The following GSPT1 variants were observed in gnomAD, a reference collection of about 807,000 sequenced individuals.
GSPT1 encodes G1 to S phase transition 1, also known as eukaryotic peptide chain release factor GTP-binding subunit ERF3A.
A neutral mutation model predicts 72.5 loss-of-function variants in GSPT1; 20 were observed. The observed-to-expected ratio is 0.28, with a 90% CI of 0.19 to 0.40. The LOEUF is 0.40. Ranked by LOEUF, GSPT1 falls within the 10% of genes least tolerant of loss-of-function variation. The probability of loss-of-function intolerance (pLI) is 1.00; values close to 1 mark genes in which losing one functional copy is unlikely to be tolerated. For missense variants in GSPT1, 580 were observed against 811.9 expected, an observed-to-expected ratio of 0.71 and a Z score of 3.47; for synonymous variants, 334 against 293.5, an observed-to-expected ratio of 1.14 and a Z score of -1.41.
Position 11,868,579 on chromosome 16 carries a change from G to A in GSPT1, c.*4540C>T, listed in dbSNP as rs2053944772. The A allele has an allele frequency of 6.6e-6, 1 of 152,110 alleles. No individual in the cohort carries two copies. Among genetic ancestry groups the A allele is most frequent in the African/African-American group, 2.4e-5 (1 of 41,414 alleles). The allele number at this position is 152,110 out of a possible 1,614,324, so 9.4% of individuals were successfully genotyped here. The stretch of plus-strand genomic sequence containing the variant: ...ACCTAATGCATGTGGAGGAAATGGA[G>A]GTGAGAATAGTCACCTGAAGAGTGC... On this transcript the variant is annotated 3_prime_UTR_variant, in exon 15 of 15. Transcript: ENST00000434724.
chr16:11,894,936 CAA>C lies in GSPT1; in HGVS notation c.698+16_698+17del. ...ACATCAATTTAACTCTGTTATTTAA[CAA>C]AAGATACAGACTTACATTATTTGTC... On this transcript the variant is annotated intron_variant, in intron 5 of 14. Coordinates refer to ENST00000434724, the MANE Select transcript of GSPT1 (RefSeq NM_002094.4). 1 of 1,500,316 alleles carries C rather than the reference CAA, an allele frequency of 6.7e-7. No homozygotes were observed. The highest frequency in any genetic ancestry group is 9.2e-7 in the Non-Finnish European group (1 of 1,087,608). The allele number at this position is 1,500,316 out of a possible 1,614,324, so 92.9% of individuals were successfully genotyped here.
At chr16:11,884,795 G>A (rs2054166860) in intron 10 of GSPT1, among the ~76,000 whole-genome samples, 1 of 150,570 alleles carries the variant, frequency 6.6e-6, no homozygotes, top group Non-Finnish European at 1.5e-5. Context: ...GGCCAGGTAC[G>A]GTGGCTCACG....
upstream of GSPT1, among the ~76,000 whole-genome samples, chr16:11,916,296 C>T (rs1242301307): frequency 6.6e-6 from 1 of 152,224 alleles, no homozygotes; most frequent in Non-Finnish European, 1.5e-5. Flanking sequence ...GCGGCAGGCC[C>T]TGGTTGGTGC....
chr16:11,909,189 T>C (rs531963050), intron 1 of GSPT1, among the ~76,000 whole-genome samples: 39 of 151,214 alleles, frequency 2.6e-4, no homozygotes, highest in African/African-American at 9.3e-4. Flanking sequence ...GGGAAAGCCT[T>C]ATTAAGTGTT....
intron 5 of GSPT1, among the ~76,000 whole-genome samples, chr16:11,894,199 A>G (rs541503796): frequency 6.1e-5 from 9 of 146,816 alleles, no homozygotes; most frequent in Admixed American, 4.1e-4. Context: ...AAAAAAATTT[A>G]ACTAGGCAAG....
At chr16:11,895,533 A>T (rs1226914458) in intron 4 of GSPT1, 1 of 152,428 alleles carries the variant, frequency 6.6e-6, no homozygotes, top group East Asian at 1.9e-4. Flanking sequence ...ATTCCCCAAG[A>T]GAAGTTTCCA....
At position 11,912,699 on chromosome 16, in the gene GSPT1, T is replaced by C. The variant is rs60737746; in HGVS notation, c.352+2670A>G. ...AAAAAAACTAGGTGCAAATTGCAAC[T>C]TAAATACATCCTATCAGATAAAATG... is the stretch of plus-strand genomic sequence containing the variant. On this transcript the variant is annotated intron_variant, in intron 1 of 14. Coordinates refer to ENST00000434724, the MANE Select transcript of GSPT1 (RefSeq NM_002094.4). Among the ~76,000 whole-genome samples, 482 of 152,328 alleles carry C rather than the reference T, an allele frequency of 3.2e-3. 5 individuals carry two copies. Among genetic ancestry groups the C allele is most frequent in the African/African-American group, 0.011 (458 of 41,570 alleles).
chr16:11,874,005 C>A (rs1166109024), intron 14 of GSPT1, among the ~76,000 whole-genome samples: 7 of 152,134 alleles, frequency 4.6e-5, no homozygotes, highest in Admixed American at 2.0e-4. Flanking sequence ...CATGGTTGAA[C>A]CTCAAAATCA....
intron 6 of GSPT1, among the ~76,000 whole-genome samples, chr16:11,888,120 A>G (rs1269725568): frequency 6.6e-6 from 1 of 151,970 alleles, no homozygotes; most frequent in Non-Finnish European, 1.5e-5. Context: ...GTGCCATTGC[A>G]CTCCAGCCTG....
In GSPT1 at chr16:11,915,757, G is replaced by A. The variant is rs435108; in HGVS notation, c.-37C>T. 0.93 allele frequency: 1,438,176 copies of A among 1,552,904 alleles called. 667,728 individuals carry two copies. The highest frequency in any genetic ancestry group is 0.94 in the Non-Finnish European group (1,092,204 of 1,156,154). The stretch of plus-strand genomic sequence containing the variant: ...CCGTGTGTGTGGTGGACAGAGAGCG[G>A]GAAATGGAGGCAGGGGCGCCCGGCC... On this transcript the variant is annotated 5_prime_UTR_variant, in exon 1 of 15. Coordinates refer to ENST00000434724, the MANE Select transcript of GSPT1 (RefSeq NM_002094.4).
chr16:11,884,181 G>C (rs2054158815), intron 10 of GSPT1, among the ~76,000 whole-genome samples: 1 of 152,028 alleles, frequency 6.6e-6, no homozygotes. Context: ...TTTTTTTTAA[G>C]ACGAACATCC....
intron 13 of GSPT1, 52 bp downstream of exon 13, chr16:11,876,034 A>C: frequency 6.9e-7 from 1 of 1,458,692 alleles, no homozygotes; most frequent in Non-Finnish European, 9.6e-7. Flanking sequence ...ATTAGAAATT[A>C]TGAAGATAAA....
At position 11,871,262 on chromosome 16, in the gene GSPT1, A is replaced by G. The variant is rs1464461871; in HGVS notation, c.*1857T>C. On this transcript the variant is annotated 3_prime_UTR_variant, in exon 15 of 15. Transcript: ENST00000434724. ...AGCCTCATTCAAGAAATGAATGGGAATTTCACAGTTAAGAAAACACTAGGC... is the reference window on the plus strand; with the variant it reads ...AGCCTCATTCAAGAAATGAATGGGAGTTTCACAGTTAAGAAAACACTAGGC... The G allele has an allele frequency of 2.4e-4, 37 of 152,316 alleles. No homozygotes were observed. The highest frequency in any genetic ancestry group is 2.4e-3 in the Admixed American group (37 of 15,300). The allele number at this position is 152,316 out of a possible 1,614,324, so 9.4% of individuals were successfully genotyped here. A position where few individuals can be genotyped will look rare whatever the true frequency, so the allele number is the denominator to read the frequency against.
intron 1 of GSPT1, among the ~76,000 whole-genome samples, chr16:11,905,276 G>A (rs1039013735): frequency 1.3e-5 from 2 of 152,200 alleles, no homozygotes; most frequent in African/African-American, 4.8e-5. Context: ...ATAGTCACCA[G>A]CCACATGTGG....
At chr16:11,887,886 C>T (rs749205203) in intron 6 of GSPT1, 136 bp from the exon 7 acceptor site, 10 of 684,578 alleles carry the variant, frequency 1.5e-5, no homozygotes, top group Non-Finnish European at 2.2e-5. Flanking sequence ...AAAATTGAGC[C>T]GGGTGCGGTG....
At chr16:11,890,755 T>A in intron 6 of GSPT1, 1 of 195,124 alleles carries the variant, frequency 5.1e-6, no homozygotes, top group Non-Finnish European at 1.0e-5. Context: ...GCAAGTTCTA[T>A]TCATGGTTAC....
chr16:11,882,577 T>A (rs1469035039), intron 11 of GSPT1: 1 of 154,274 alleles, frequency 6.5e-6, no homozygotes, highest in Non-Finnish European at 1.4e-5. Context: ...AAGTCTGTGG[T>A]CCTGCATAAG....
intron 6 of GSPT1, among the ~76,000 whole-genome samples, chr16:11,889,133 C>G (rs1490469958): frequency 6.6e-6 from 1 of 151,730 alleles, no homozygotes; most frequent in Non-Finnish European, 1.5e-5. Flanking sequence ...ACGGTGAAAC[C>G]CTGTCTCTAC....
At chr16:11,892,829 C>CCA (rs2054284910) in intron 5 of GSPT1, among the ~76,000 whole-genome samples, 1 of 31,224 alleles carries the variant, frequency 3.2e-5, no homozygotes, top group Non-Finnish European at 5.3e-5. Flanking sequence ...GATTCTGTCT[C>CCA]AAAAAAAAAA....
Sources: allele counts gnomAD v4.1 joint callset (sites outside exome capture counted in the v4.1 genomes callset), GRCh38; gene constraint gnomAD v4.1.1; transcripts MANE v1.5; gene names NCBI Gene and HGNC (gene_info 2026-07-23, HGNC 2026-07-21).